C12orf42: variants seen among roughly 807,000 people sequenced by gnomAD.
C12orf42 encodes chromosome 12 open reading frame 42.
Under a neutral mutation model 21.6 loss-of-function variants are expected in C12orf42, and 25 were observed. The ratio of observed to expected loss-of-function variants is 1.16; its 90% CI spans 0.84 to 1.62. The LOEUF is 1.62. Ranked by LOEUF, C12orf42 falls within the 40% of genes most tolerant of loss-of-function variation. The pLI is 0.00. For synonymous variants in C12orf42, 174 were observed against 175.0 expected (o/e 0.99, Z 0.05); for missense variants, 483 against 459.3 (o/e 1.05, Z -0.47).
chr12:103,330,390 A>T (rs1319740883), intron 4 of C12orf42, among the ~76,000 whole-genome samples: 1 of 152,168 alleles, frequency 6.6e-6, no homozygotes, highest in African/African-American at 2.4e-5. Flanking sequence ...GAGGTACGGG[A>T]ATTACTCCCA....
At chr12:103,329,826 A>G (rs2137030315) in intron 4 of C12orf42, among the ~76,000 whole-genome samples, 1 of 152,050 alleles carries the variant, frequency 6.6e-6, no homozygotes, top group Non-Finnish European at 1.5e-5. Context: ...TTCTATTGCT[A>G]CAAATAGACA....
In C12orf42 at chr12:103,306,315, G is replaced by A. The variant is rs747720849; in HGVS notation, c.290C>T (p.Ala97Val). The change falls in exon 5 of 6, where the codon GCG (alanine) becomes GTG (valine). Residue 97 changes from alanine to valine, a missense_variant. Transcript: ENST00000548883. ...VFPERTQNSM[A>V]CKRLLHTCQY... ...GCAAGTATGAAGTAGTCTTTTACAC[G>A]CCATTGAATTTTGAGTCCTTTCTGG... is the stretch of plus-strand genomic sequence containing the variant. 6.2e-6 allele frequency: 10 copies of A among 1,608,676 alleles called. No homozygotes were observed. Among genetic ancestry groups the A allele is most frequent in the African/African-American group, 2.7e-5 (2 of 74,694 alleles).
chr12:103,234,679 C>T (rs2033415175), downstream of C12orf42, among the ~76,000 whole-genome samples: 1 of 152,036 alleles, frequency 6.6e-6, no homozygotes, highest in Non-Finnish European at 1.5e-5. Flanking sequence ...CCTGTCTTGC[C>T]TTTGTTCCTT....
intron 2 of C12orf42, among the ~76,000 whole-genome samples, chr12:103,418,451 A>G (rs561361633): frequency 6.6e-6 from 1 of 152,344 alleles, no homozygotes; most frequent in Admixed American, 6.5e-5. Flanking sequence ...TTTGTAAAAT[A>G]GTTATGTCAG....
chr12:103,293,319 AG>A (rs1199994447), intron 4 of C12orf42, among the ~76,000 whole-genome samples: 6 of 152,084 alleles, frequency 3.9e-5, no homozygotes, highest in Non-Finnish European at 8.8e-5. Context: ...AATGAGCTGA[AG>A]GGTCCTTTGT....
chr12:103,445,873 G>A (rs1013861321), intron 2 of C12orf42, among the ~76,000 whole-genome samples: 4 of 151,948 alleles, frequency 2.6e-5, no homozygotes, highest in African/African-American at 7.3e-5. Flanking sequence ...AAATGTTAGA[G>A]ATTTGTCATT....
At chr12:103,181,652 T>C in the C12orf42 span, among the ~76,000 whole-genome samples, 5 of 152,382 alleles carry the variant, frequency 3.3e-5, no homozygotes, top group South Asian at 1.0e-3. Context: ...TTATGTAAAC[T>C]GTGAAAGTAC....
At chr12:103,215,078 T>C in the C12orf42 span, among the ~76,000 whole-genome samples, 2 of 152,176 alleles carry the variant, frequency 1.3e-5, no homozygotes, top group African/African-American at 2.4e-5. Flanking sequence ...ACATATTTAT[T>C]GCATGGAAGA....
At chr12:103,370,608 C>T (rs1271894381) in intron 3 of C12orf42, among the ~76,000 whole-genome samples, 1 of 152,082 alleles carries the variant, frequency 6.6e-6, no homozygotes, top group African/African-American at 2.4e-5. Context: ...AGGCCATTAT[C>T]TGAAGCAAAC....
At chr12:103,381,000 C>T (rs774582666) in intron 3 of C12orf42, among the ~76,000 whole-genome samples, 10 of 152,176 alleles carry the variant, frequency 6.6e-5, no homozygotes, top group Non-Finnish European at 1.5e-4. Flanking sequence ...TTTCTAACCT[C>T]TAGTACAAAT....
chr12:103,176,177 AC>A, the C12orf42 span, among the ~76,000 whole-genome samples: 3 of 152,176 alleles, frequency 2.0e-5, no homozygotes, highest in Non-Finnish European at 2.9e-5. Context: ...TATTAAAAAA[AC>A]AAAAGGGAAT....
the C12orf42 span, among the ~76,000 whole-genome samples, chr12:103,212,521 A>T: frequency 6.6e-6 from 1 of 152,158 alleles, no homozygotes; most frequent in Non-Finnish European, 1.5e-5. Flanking sequence ...TTTGTTGACC[A>T]GACTCAGGTT....
At chr12:103,140,535 G>A in the C12orf42 span, among the ~76,000 whole-genome samples, 4 of 152,132 alleles carry the variant, frequency 2.6e-5, no homozygotes, top group Admixed American at 6.5e-5. Flanking sequence ...CAAAAGAGTC[G>A]GAGGTCTGTT....
chr12:103,533,268 T>C, the C12orf42 span, among the ~76,000 whole-genome samples: 1 of 152,196 alleles, frequency 6.6e-6, no homozygotes, highest in African/African-American at 2.4e-5. Flanking sequence ...AATTGTCCCT[T>C]CCCAGACAGG....
intron 4 of C12orf42, among the ~76,000 whole-genome samples, chr12:103,321,359 G>C (rs1314373395): frequency 6.7e-6 from 1 of 149,116 alleles, no homozygotes; most frequent in Non-Finnish European, 1.5e-5. Context: ...AAAAAGTCAG[G>C]AAACAACAGG....
At chr12:103,184,993 C>T in the C12orf42 span, among the ~76,000 whole-genome samples, 2 of 152,034 alleles carry the variant, frequency 1.3e-5, no homozygotes, top group Admixed American at 1.3e-4. Flanking sequence ...ACACCTTGAT[C>T]TTAGATTTTC....
intron 1 of C12orf42, among the ~76,000 whole-genome samples, chr12:103,480,408 CT>C (rs932385332): frequency 3.3e-5 from 5 of 150,140 alleles, no homozygotes; most frequent in African/African-American, 1.2e-4. Context: ...TTTGTGGATT[CT>C]TTTTATATGT....
chr12:103,261,455 T>G (rs2136224178), intron 10 of C12orf42, among the ~76,000 whole-genome samples: 1 of 138,262 alleles, frequency 7.2e-6, no homozygotes, highest in Admixed American at 8.0e-5. Context: ...GCACACCAGC[T>G]GGGTGACAAT....
the C12orf42 span, among the ~76,000 whole-genome samples, chr12:103,223,388 G>A: frequency 6.6e-6 from 1 of 152,212 alleles, no homozygotes; most frequent in Non-Finnish European, 1.5e-5. Flanking sequence ...TATGGTTTTG[G>A]ATGAATTGAG....
Sources: allele counts gnomAD v4.1 joint callset (sites outside exome capture counted in the v4.1 genomes callset), GRCh38; gene constraint gnomAD v4.1.1; transcripts MANE v1.5; gene names NCBI Gene and HGNC (gene_info 2026-07-23, HGNC 2026-07-21).